The following SCHIP1 variants were observed in gnomAD, a reference collection of about 807,000 sequenced individuals.
The protein encoded by SCHIP1 is schwannomin-interacting protein 1.
A neutral mutation model predicts 29.7 loss-of-function variants in SCHIP1; 8 were observed. The observed-to-expected ratio is 0.27, with a 90% confidence interval of 0.16 to 0.49. The LOEUF is 0.49. SCHIP1 is among the 20% of genes least tolerant of loss of function. The pLI, the probability that SCHIP1 is intolerant of heterozygous loss-of-function variation, is 0.99. For missense variants in SCHIP1, 193 were observed against 294.6 expected, an observed-to-expected ratio of 0.66 and a Z score of 2.52; for synonymous variants, 76 against 94.9, an observed-to-expected ratio of 0.80 and a Z score of 1.16.
At chr3:159,652,103 C>CA in the SCHIP1 span, among the ~76,000 whole-genome samples, 3,580 of 137,558 alleles carry the variant, frequency 0.026, 99 homozygotes, top group South Asian at 0.079. Context: ...GACTCCATCT[C>CA]AAAAAAAAAA....
At chr3:159,404,717 T>G in the SCHIP1 span, among the ~76,000 whole-genome samples, 1 of 152,176 alleles carries the variant, frequency 6.6e-6, no homozygotes, top group African/African-American at 2.4e-5. Context: ...ATCTCACCTC[T>G]CTGAAGGGAA....
chr3:159,338,091 C>T, the SCHIP1 span, among the ~76,000 whole-genome samples: 1 of 152,200 alleles, frequency 6.6e-6, no homozygotes, highest in African/African-American at 2.4e-5. Flanking sequence ...GTGCCAGGAA[C>T]TTTTCTAGAT....
At chr3:159,745,999 G>A in the SCHIP1 span, among the ~76,000 whole-genome samples, 2 of 152,154 alleles carry the variant, frequency 1.3e-5, no homozygotes, top group East Asian at 3.8e-4. Context: ...TTGGGCTGTG[G>A]GGGTAATTAC....
the SCHIP1 span, among the ~76,000 whole-genome samples, chr3:159,532,601 G>C: frequency 3.3e-5 from 5 of 152,040 alleles, no homozygotes; most frequent in Admixed American, 6.5e-5. Context: ...GTTTCATAAA[G>C]GAAAAAAATG....
the SCHIP1 span, among the ~76,000 whole-genome samples, chr3:159,686,138 A>T: frequency 6.6e-6 from 1 of 152,190 alleles, no homozygotes; most frequent in Non-Finnish European, 1.5e-5. Context: ...AGGTAAGCCC[A>T]TTCCCTCCCT....
chr3:159,524,984 C>G, the SCHIP1 span, among the ~76,000 whole-genome samples: 2 of 152,180 alleles, frequency 1.3e-5, no homozygotes, highest in Admixed American at 6.5e-5. Flanking sequence ...GCTGGTCTCC[C>G]TGCTTCCATA....
chr3:159,634,338 GAAAT>G, the SCHIP1 span, among the ~76,000 whole-genome samples: 12 of 152,190 alleles, frequency 7.9e-5, no homozygotes, highest in South Asian at 1.0e-3. Flanking sequence ...AAGAAAAAAA[GAAAT>G]AAACTATGTA....
chr3:159,402,093 A>G, the SCHIP1 span, among the ~76,000 whole-genome samples: 1 of 152,182 alleles, frequency 6.6e-6, no homozygotes, highest in East Asian at 1.9e-4. Context: ...AGAAAAAAAC[A>G]AACAACCCCA....
At chr3:159,724,229 T>C in the SCHIP1 span, among the ~76,000 whole-genome samples, 5 of 152,244 alleles carry the variant, frequency 3.3e-5, no homozygotes, top group Non-Finnish European at 5.9e-5. Flanking sequence ...GGAGTAATCA[T>C]ACTTTTCTCA....
At chr3:159,377,132 G>A in the SCHIP1 span, among the ~76,000 whole-genome samples, 4 of 152,208 alleles carry the variant, frequency 2.6e-5, no homozygotes, top group South Asian at 2.1e-4. Flanking sequence ...TAGATTAACC[G>A]TTCAGCTAGA....
At chr3:159,724,517 C>T in the SCHIP1 span, among the ~76,000 whole-genome samples, 1 of 152,178 alleles carries the variant, frequency 6.6e-6, no homozygotes, top group Non-Finnish European at 1.5e-5. Context: ...TATGGATTTT[C>T]AAATTTCCTA....
the SCHIP1 span, among the ~76,000 whole-genome samples, chr3:159,680,705 T>TAATATATG: frequency 3.6e-4 from 2 of 5,584 alleles, no homozygotes; most frequent in Admixed American, 5.2e-3. Flanking sequence ...ATAATATATA[T>TAATATATG]TATATATAAT....
chr3:159,731,661 G>A, the SCHIP1 span, among the ~76,000 whole-genome samples: 1 of 152,202 alleles, frequency 6.6e-6, no homozygotes, highest in African/African-American at 2.4e-5. Context: ...TCAGGAGGAA[G>A]GGGGCAAACT....
chr3:159,545,850 A>C, the SCHIP1 span, among the ~76,000 whole-genome samples: 1 of 151,282 alleles, frequency 6.6e-6, no homozygotes, highest in African/African-American at 2.4e-5. Flanking sequence ...TCTATACATC[A>C]GTTTAAAAAC....
chr3:159,310,807 A>AT, the SCHIP1 span, among the ~76,000 whole-genome samples: 5 of 152,262 alleles, frequency 3.3e-5, no homozygotes, highest in East Asian at 3.9e-4. Flanking sequence ...GGTTAATGAC[A>AT]TTTTTTACAA....
At chr3:159,376,303 T>C in the SCHIP1 span, among the ~76,000 whole-genome samples, 1 of 152,258 alleles carries the variant, frequency 6.6e-6, no homozygotes, top group Admixed American at 6.5e-5. Context: ...CAAATGACCA[T>C]AACCTCAAGG....
the SCHIP1 span, among the ~76,000 whole-genome samples, chr3:159,729,521 G>A: frequency 6.6e-6 from 1 of 152,112 alleles, no homozygotes; most frequent in African/African-American, 2.4e-5. Context: ...GTTATTAAAT[G>A]CAATAATCAA....
At chr3:159,525,086 A>G in the SCHIP1 span, among the ~76,000 whole-genome samples, 1 of 152,168 alleles carries the variant, frequency 6.6e-6, no homozygotes, top group Non-Finnish European at 1.5e-5. Context: ...AGGAAATTGC[A>G]TCCTCGGTGT....
At chr3:159,447,364 G>A in the SCHIP1 span, among the ~76,000 whole-genome samples, 1 of 152,184 alleles carries the variant, frequency 6.6e-6, no homozygotes. Context: ...GCCTTCAGGA[G>A]CCAGTAAAAA....
Sources: allele counts gnomAD v4.1 joint callset (sites outside exome capture counted in the v4.1 genomes callset), GRCh38; gene constraint gnomAD v4.1.1; transcripts MANE v1.5; gene names NCBI Gene and HGNC (gene_info 2026-07-23, HGNC 2026-07-21).